Variants in ULK4 observed in about 807,000 individuals in gnomAD.
ULK4 encodes inactive serine/threonine-protein kinase ULK4.
In ULK4, 133 loss-of-function variants were observed where a neutral mutation model predicts 160.6. The observed-to-expected ratio is 0.83, with a 90% CI of 0.72 to 0.96. The LOEUF is 0.96. Ranked by LOEUF, ULK4 falls within the 40% of genes least tolerant of loss-of-function variation. The probability of loss-of-function intolerance (pLI) is 0.00; values close to 1 mark genes in which losing one functional copy is unlikely to be tolerated. For missense variants in ULK4, 1,580 were observed against 1,499.5 expected, an observed-to-expected ratio of 1.05 and a Z score of -0.89; for synonymous variants, 534 against 539.8, an observed-to-expected ratio of 0.99 and a Z score of 0.15.
rs1424310389 is a variant in ULK4 at position 41,506,753 on chromosome 3, G to A, written c.3227-43500C>T. Among the ~76,000 whole-genome samples the A allele has an allele frequency of 2.3e-4, 3 of 12,970 alleles. 1 individual carries two copies. The highest frequency in any genetic ancestry group is 7.6e-4 in the Non-Finnish European group (3 of 3,926). The allele number at this position is 12,970 out of a possible 152,430, so 8.5% of individuals were successfully genotyped here. On this transcript the variant is annotated intron_variant, in intron 32 of 36. Coordinates refer to ENST00000301831, the MANE Select transcript of ULK4 (RefSeq NM_017886.4). ...CCACAGTTCTCCAAAGCAATACACT[G>A]GAGTGTGATTTAAAATATATATATA...
intron 35 of ULK4, among the ~76,000 whole-genome samples, chr3:41,381,023 C>T (rs2081639027): frequency 6.6e-6 from 1 of 152,136 alleles, no homozygotes. Context: ...GCATCCCCTG[C>T]CCCTCTGCCC....
intron 35 of ULK4, among the ~76,000 whole-genome samples, chr3:41,355,787 C>T (rs2081018760): frequency 6.6e-6 from 1 of 152,112 alleles, no homozygotes; most frequent in Admixed American, 6.5e-5. Context: ...CATATAAAAA[C>T]ATTACATTTT....
chr3:41,364,660 TAAAG>T (rs1248650814), intron 35 of ULK4, among the ~76,000 whole-genome samples: 6 of 152,050 alleles, frequency 3.9e-5, no homozygotes, highest in Non-Finnish European at 5.9e-5. Flanking sequence ...AAGGAAAAAT[TAAAG>T]AAATAGAAAG....
intron 21 of ULK4, among the ~76,000 whole-genome samples, chr3:41,777,861 C>A (rs2039687023): frequency 7.0e-6 from 1 of 143,542 alleles, no homozygotes; most frequent in Admixed American, 7.0e-5. Context: ...TCAATTTAAA[C>A]CCACAGCCAA....
At chr3:41,817,659 A>G (rs2041015661) in intron 19 of ULK4, among the ~76,000 whole-genome samples, 1 of 152,120 alleles carries the variant, frequency 6.6e-6, no homozygotes, top group African/African-American at 2.4e-5. Flanking sequence ...CTGAAAAACT[A>G]CCTACTGGAT....
chr3:41,448,639 T>C (rs12054176), intron 34 of ULK4, among the ~76,000 whole-genome samples: 31,816 of 152,070 alleles, frequency 0.21, 3,879 homozygotes, highest in East Asian at 0.57. Context: ...GCTCCTGTGG[T>C]CCTGTAAGGG....
At chr3:41,646,074 G>A (rs2034474481) in intron 30 of ULK4, among the ~76,000 whole-genome samples, 1 of 151,992 alleles carries the variant, frequency 6.6e-6, no homozygotes. Context: ...TTTATTTTGA[G>A]CCTATGTGTG....
intron 34 of ULK4, among the ~76,000 whole-genome samples, chr3:41,401,906 A>C (rs1328127892): frequency 1.6e-4 from 24 of 152,192 alleles, no homozygotes; most frequent in Non-Finnish European, 1.5e-5. Flanking sequence ...TGGAAAAATA[A>C]ACAGGGATGC....
chr3:41,706,827 CAA>C lies in ULK4; in HGVS notation c.2635-1524_2635-1523del, dbSNP rs1156423434. Reference sequence around the variant, plus strand: ...TGGCCGACAGAGCGAGACTCTGTCTCAAAAAAAAAAAAAAAAAAAATATGTGT... The same window carrying C: ...TGGCCGACAGAGCGAGACTCTGTCTCAAAAAAAAAAAAAAAAAATATGTGT... On this transcript the variant is annotated intron_variant, in intron 25 of 36. Coordinates refer to ENST00000301831, the MANE Select transcript of ULK4 (RefSeq NM_017886.4). Among the ~76,000 whole-genome samples, 132 of 58,212 alleles carry C rather than the reference CAA, an allele frequency of 2.3e-3. 1 individual carries two copies. The highest frequency in any genetic ancestry group is 4.9e-3 in the African/African-American group (118 of 23,998). 38.2% of individuals were successfully genotyped at this position (58,212 alleles called of 152,430 possible). A position where few individuals can be genotyped will look rare whatever the true frequency, so the allele number is the denominator to read the frequency against.
At chr3:41,561,750 CTT>C (rs1188976949) in intron 32 of ULK4, among the ~76,000 whole-genome samples, 1 of 152,106 alleles carries the variant, frequency 6.6e-6, no homozygotes, top group Non-Finnish European at 1.5e-5. Context: ...ATTCTTCTCT[CTT>C]TTCTTCTATA....
intron 21 of ULK4, among the ~76,000 whole-genome samples, chr3:41,783,687 C>T (rs142543917): frequency 1.4e-4 from 22 of 152,272 alleles, no homozygotes; most frequent in African/African-American, 5.3e-4. Flanking sequence ...ATTCTCTATA[C>T]TACTCATATG....
intron 21 of ULK4, among the ~76,000 whole-genome samples, chr3:41,773,802 C>T (rs975193942): frequency 1.1e-4 from 16 of 152,098 alleles, no homozygotes; most frequent in Admixed American, 9.2e-4. Context: ...GGAGGCATCA[C>T]GCTACCTGAC....
chr3:41,948,572 A>T (rs1033226527), intron 2 of ULK4, among the ~76,000 whole-genome samples: 2 of 152,274 alleles, frequency 1.3e-5, no homozygotes, highest in South Asian at 2.1e-4. Context: ...TATTAAAAGG[A>T]TTATGCACGA....
chr3:41,412,245 T>C (rs1410525648), intron 34 of ULK4, among the ~76,000 whole-genome samples: 1 of 152,126 alleles, frequency 6.6e-6, no homozygotes, highest in Non-Finnish European at 1.5e-5. Context: ...ATGAAGGACA[T>C]GTGCATGAAA....
At chr3:41,800,876 T>A (rs1454483765) in intron 19 of ULK4, among the ~76,000 whole-genome samples, 1 of 152,150 alleles carries the variant, frequency 6.6e-6, no homozygotes, top group Non-Finnish European at 1.5e-5. Flanking sequence ...ATTCAACTGT[T>A]TTCAGGTAAT....
chr3:41,690,844 A>AGG (rs2036273383), intron 27 of ULK4, among the ~76,000 whole-genome samples: 1 of 151,890 alleles, frequency 6.6e-6, no homozygotes, highest in Non-Finnish European at 1.5e-5. Context: ...TATATGCAAA[A>AGG]GGGGGGTACT....
intron 32 of ULK4, among the ~76,000 whole-genome samples, chr3:41,506,370 G>A (rs1312762654): frequency 6.6e-6 from 1 of 152,102 alleles, no homozygotes; most frequent in African/African-American, 2.4e-5. Context: ...TAGCTGAAAA[G>A]ATGGTTAGGC....
chr3:41,931,875 G>A lies in ULK4; in HGVS notation c.510C>T (p.Val170=), dbSNP rs765389101. The A allele has an allele frequency of 3.1e-6, 5 of 1,613,804 alleles. No individual in the cohort carries two copies. The African/African-American group carries it at 4.0e-5, about 13-fold the overall frequency. ...EEGGGDNGEN[V]LKKSMKSRVK... Reference sequence around the variant, plus strand: ...CTCTACTTTTCATGCTTTTCTTCAGGACATTTTCCCCATTATCACCTCCTC... The same window carrying A: ...CTCTACTTTTCATGCTTTTCTTCAGAACATTTTCCCCATTATCACCTCCTC... The change falls in exon 5 of 37, where the codon GTC becomes GTT. Residue 170 remains valine, a synonymous_variant. Coordinates refer to ENST00000301831, the MANE Select transcript of ULK4 (RefSeq NM_017886.4).
At chr3:41,712,319 GCA>G (rs924397281) in intron 25 of ULK4, among the ~76,000 whole-genome samples, 2 of 152,044 alleles carry the variant, frequency 1.3e-5, no homozygotes, top group African/African-American at 4.8e-5. Context: ...CCCTTCTAAT[GCA>G]CAGAGATCAC....
Sources: allele counts gnomAD v4.1 joint callset (sites outside exome capture counted in the v4.1 genomes callset), GRCh38; gene constraint gnomAD v4.1.1; transcripts MANE v1.5; gene names NCBI Gene and HGNC (gene_info 2026-07-23, HGNC 2026-07-21).